HSD17B12: variants seen among roughly 807,000 people sequenced by gnomAD.
The protein encoded by HSD17B12 is hydroxysteroid 17-beta dehydrogenase 12, also known as very-long-chain 3-oxoacyl-CoA reductase.
Under a neutral mutation model 39.3 loss-of-function variants are expected in HSD17B12, and 32 were observed. The observed-to-expected ratio is 0.81, with a 90% CI of 0.61 to 1.09. The LOEUF (loss-of-function observed/expected upper bound fraction) is 1.09. Among genes scored for constraint, HSD17B12 ranks in the 50% least tolerant of loss-of-function variants. The pLI, the probability that HSD17B12 is intolerant of heterozygous loss-of-function variation, is 0.00. For synonymous variants in HSD17B12, 150 were observed against 146.7 expected (o/e 1.02, Z -0.16); for missense variants, 342 against 382.9 (o/e 0.89, Z 0.89).
At position 43,690,401 on chromosome 11, in the gene HSD17B12, TATA is replaced by T. The variant is rs1172779851; in HGVS notation, c.160+9415_160+9417del. On this transcript the variant is annotated intron_variant, in intron 1 of 10. Transcript: ENST00000278353. ...ATATATATATATATATATATATATA[TATA>T]TTTTTTTTTTTTTTTTTCTGAGACA... 6.0e-4 allele frequency among the ~76,000 whole-genome samples: 26 copies of T among 43,186 alleles called. 1 individual carries two copies. The highest frequency in any genetic ancestry group is 1.9e-3 in the African/African-American group (15 of 7,726). 28.3% of individuals were successfully genotyped at this position (43,186 alleles called of 152,430 possible). A position where few individuals can be genotyped will look rare whatever the true frequency, so the allele number is the denominator to read the frequency against.
At chr11:43,765,691 A>G (rs1055452555) in intron 3 of HSD17B12, among the ~76,000 whole-genome samples, 1 of 151,804 alleles carries the variant, frequency 6.6e-6, no homozygotes, top group Non-Finnish European at 1.5e-5. Flanking sequence ...TCATTTTTGG[A>G]CAGTGTTTAT....
the HSD17B12 span, among the ~76,000 whole-genome samples, chr11:43,663,231 G>T: frequency 2.6e-5 from 4 of 152,230 alleles, no homozygotes; most frequent in Admixed American, 1.3e-4. Context: ...CTCGCAAGTA[G>T]CTGGGATGCA....
the HSD17B12 span, among the ~76,000 whole-genome samples, chr11:43,624,525 T>A: frequency 2.0e-5 from 3 of 151,838 alleles, no homozygotes; most frequent in African/African-American, 7.2e-5. Context: ...TTATGAATTA[T>A]ATAATTTAAA....
At chr11:43,779,751 C>T (rs565969094) in intron 3 of HSD17B12, among the ~76,000 whole-genome samples, 1 of 152,222 alleles carries the variant, frequency 6.6e-6, no homozygotes, top group South Asian at 2.1e-4. Flanking sequence ...TTTAATGGGC[C>T]AAAATGAGAA....
At chr11:43,565,916 C>T in the HSD17B12 span, among the ~76,000 whole-genome samples, 1 of 152,124 alleles carries the variant, frequency 6.6e-6, no homozygotes, top group Non-Finnish European at 1.5e-5. Context: ...TGGGACTTAA[C>T]AAGGTGTGCC....
chr11:43,623,049 A>C, the HSD17B12 span, among the ~76,000 whole-genome samples: 1 of 152,166 alleles, frequency 6.6e-6, no homozygotes, highest in African/African-American at 2.4e-5. Context: ...GTGGGCCTCA[A>C]TAATACCAAT....
At chr11:43,670,618 C>T in the HSD17B12 span, 1 of 152,184 alleles carries the variant, frequency 6.6e-6, no homozygotes, top group Non-Finnish European at 1.5e-5. Flanking sequence ...GAGTCTGGCA[C>T]AGTAGTTCAT....
chr11:43,718,364 G>T (rs1262884901), intron 1 of HSD17B12, among the ~76,000 whole-genome samples: 5 of 152,064 alleles, frequency 3.3e-5, no homozygotes, highest in African/African-American at 1.2e-4. Context: ...CATCAACCTG[G>T]AGTCCAGTAT....
intron 1 of HSD17B12, among the ~76,000 whole-genome samples, chr11:43,703,609 T>C (rs952079174): frequency 1.3e-5 from 2 of 152,216 alleles, no homozygotes; most frequent in African/African-American, 4.8e-5. Context: ...GTTATTGGTC[T>C]GTTTAGGTTT....
At chr11:43,778,653 C>T (rs1950734946) in intron 3 of HSD17B12, among the ~76,000 whole-genome samples, 1 of 151,262 alleles carries the variant, frequency 6.6e-6, no homozygotes, top group Non-Finnish European at 1.5e-5. Context: ...AAGTGGGCTT[C>T]ATCCCTGGGA....
the HSD17B12 span, among the ~76,000 whole-genome samples, chr11:43,661,567 C>T: frequency 4.7e-3 from 718 of 152,234 alleles, 5 homozygotes; most frequent in African/African-American, 0.017. Context: ...AATCCCAACA[C>T]TTAGGGAGGC....
intron 3 of HSD17B12, among the ~76,000 whole-genome samples, chr11:43,756,838 G>A (rs538876924): frequency 3.9e-5 from 6 of 152,192 alleles, no homozygotes; most frequent in African/African-American, 7.2e-5. Flanking sequence ...GAGGTGGCAC[G>A]TGACTGTTGG....
Position 43,681,579 on chromosome 11 carries a change from A to G in HSD17B12, c.160+592A>G, listed in dbSNP as rs528116286. On this transcript the variant is annotated intron_variant, in intron 1 of 10. Coordinates refer to ENST00000278353, the MANE Select transcript of HSD17B12 (RefSeq NM_016142.3). ...TTTCATACAATTACAAAGCCCCTTTAAAAGGAATTCTCGCTAAACTGTTCT... is the reference window on the plus strand; with the variant it reads ...TTTCATACAATTACAAAGCCCCTTTGAAAGGAATTCTCGCTAAACTGTTCT... 2.0e-5 allele frequency among the ~76,000 whole-genome samples: 3 copies of G among 152,318 alleles called. 1 individual carries two copies. In the South Asian group the frequency reaches 6.2e-4, roughly 32 times the overall value.
chr11:43,778,231 C>G lies in HSD17B12; in HGVS notation c.284-20089C>G, dbSNP rs1277182522. On this transcript the variant is annotated intron_variant, in intron 3 of 10. Transcript: ENST00000278353. Reference sequence around the variant, plus strand: ...CCTCTATGCAAATAAACTAGACAATCTAGAAGAAATGGATAAATTCCTCGA... The same window carrying G: ...CCTCTATGCAAATAAACTAGACAATGTAGAAGAAATGGATAAATTCCTCGA... 2.0e-5 allele frequency among the ~76,000 whole-genome samples: 3 copies of G among 152,220 alleles called. No homozygotes were observed. In the East Asian group the frequency reaches 5.8e-4, roughly 29 times the overall value.
intron 4 of HSD17B12, among the ~76,000 whole-genome samples, chr11:43,804,521 T>A (rs1951000625): frequency 1.3e-5 from 2 of 152,238 alleles, no homozygotes; most frequent in Admixed American, 6.5e-5. Flanking sequence ...TTCTCTTTTC[T>A]TCCTGTGCCC....
intron 9 of HSD17B12, among the ~76,000 whole-genome samples, chr11:43,851,298 T>C (rs1951528307): frequency 6.6e-6 from 1 of 152,168 alleles, no homozygotes; most frequent in Non-Finnish European, 1.5e-5. Context: ...TTGAAAAATC[T>C]GTTCTGCCCA....
At chr11:43,676,036 T>C (rs974141141), upstream of HSD17B12, among the ~76,000 whole-genome samples, 10 of 152,060 alleles carry the variant, frequency 6.6e-5, no homozygotes, top group South Asian at 2.1e-4. Flanking sequence ...CACTTGAACC[T>C]GGGAGGCGGA....
the HSD17B12 span, among the ~76,000 whole-genome samples, chr11:43,636,752 A>G: frequency 6.6e-6 from 1 of 152,066 alleles, no homozygotes; most frequent in Non-Finnish European, 1.5e-5. Context: ...AACTCTATAG[A>G]TATTCTTTTT....
intron 6 of HSD17B12, among the ~76,000 whole-genome samples, chr11:43,821,118 G>A (rs777856563): frequency 3.9e-5 from 6 of 152,160 alleles, no homozygotes; most frequent in Non-Finnish European, 7.4e-5. Context: ...TTAATCATAA[G>A]CAGTTCTTCC....
Sources: allele counts gnomAD v4.1 joint callset (sites outside exome capture counted in the v4.1 genomes callset), GRCh38; gene constraint gnomAD v4.1.1; transcripts MANE v1.5; gene names NCBI Gene and HGNC (gene_info 2026-07-23, HGNC 2026-07-21).